Variants in SLC4A10 observed in about 807,000 individuals in gnomAD.
SLC4A10 encodes the protein solute carrier family 4 member 10.
SLC4A10 carries 42 observed loss-of-function variants against 137.7 expected under a neutral mutation model. That is an observed-to-expected ratio of 0.30 (90% CI 0.24 to 0.39). SLC4A10 has a LOEUF of 0.39. SLC4A10 is among the 10% of genes least tolerant of loss of function. SLC4A10 has a pLI of 1.00. For missense variants in SLC4A10, 925 were observed against 1,355.0 expected, an observed-to-expected ratio of 0.68 and a Z score of 4.98; for synonymous variants, 474 against 464.1, an observed-to-expected ratio of 1.02 and a Z score of -0.27.
At chr2:161,820,544 A>T (rs138419038) in intron 3 of SLC4A10, among the ~76,000 whole-genome samples, 287 of 152,274 alleles carry the variant, frequency 1.9e-3, no homozygotes, top group African/African-American at 6.5e-3. Context: ...AACGTTATAT[A>T]AATGAAATCA....
chr2:161,893,723 C>T (rs963215651), intron 10 of SLC4A10, among the ~76,000 whole-genome samples: 1 of 150,708 alleles, frequency 6.6e-6, no homozygotes, highest in Non-Finnish European at 1.5e-5. Context: ...CAAAAATATT[C>T]GAGGGGGGGA....
chr2:161,640,343 C>T (rs2035094538), intron 1 of SLC4A10, among the ~76,000 whole-genome samples: 1 of 152,022 alleles, frequency 6.6e-6, no homozygotes, highest in Non-Finnish European at 1.5e-5. Context: ...CTTGTATTTT[C>T]CCTGACTCCA....
intron 1 of SLC4A10, among the ~76,000 whole-genome samples, chr2:161,723,333 C>T (rs2045892979): frequency 1.3e-5 from 2 of 152,154 alleles, no homozygotes; most frequent in South Asian, 4.1e-4. Context: ...GGCTGTCACT[C>T]TACCCTGCTT....
Position 161,947,636 on chromosome 2 carries a change from T to C in SLC4A10, c.2174T>C (p.Val725Ala). 2 of 1,613,322 alleles carry C rather than the reference T, an allele frequency of 1.2e-6. No homozygotes were observed. The highest frequency in any genetic ancestry group is 1.7e-6 in the Non-Finnish European group (2 of 1,179,422). The part of the protein sequence containing the change: ...CGHDHPYVPD[V>A]LFWSVILFFS... The stretch of plus-strand genomic sequence containing the variant: ...CATGATCACCCATATGTTCCAGATG[T>C]TCTATTTTGGTCTGTGATCCTGTTC... The change falls in exon 17 of 27, where the codon GTT (valine) becomes GCT (alanine). Residue 725 changes from valine to alanine, a missense_variant. By Grantham distance (64) the Val-to-Ala change is moderately conservative. This residue lies in a region of SLC4A10 where 82 missense variants were observed against 151.4 expected (regional missense o/e 0.54). Transcript: ENST00000446997.
chr2:161,942,704 T>G, intron 15 of SLC4A10, 88 bp from the exon 16 acceptor site: 1 of 941,500 alleles, frequency 1.1e-6, no homozygotes, highest in South Asian at 1.4e-5. Flanking sequence ...ATGCTGTGAC[T>G]GGAGAAAATG....
At chr2:161,967,118 G>T (rs1455433327) in intron 23 of SLC4A10, among the ~76,000 whole-genome samples, 2 of 152,098 alleles carry the variant, frequency 1.3e-5, no homozygotes, top group Non-Finnish European at 2.9e-5. Flanking sequence ...CCCTGGCCAG[G>T]GCCACTGTCT....
intron 3 of SLC4A10, among the ~76,000 whole-genome samples, chr2:161,823,002 T>C (rs895594486): frequency 1.3e-5 from 2 of 151,640 alleles, no homozygotes; most frequent in Non-Finnish European, 2.9e-5. Flanking sequence ...TATATATACT[T>C]TTTTTTTAGA....
chr2:161,778,503 C>T (rs1314319434), intron 2 of SLC4A10, among the ~76,000 whole-genome samples: 1 of 151,876 alleles, frequency 6.6e-6, no homozygotes. Flanking sequence ...AAATGTGTTG[C>T]ATTGAGTGCC....
At chr2:161,813,970 T>A (rs765092032) in intron 3 of SLC4A10, among the ~76,000 whole-genome samples, 34 of 152,220 alleles carry the variant, frequency 2.2e-4, no homozygotes, top group Non-Finnish European at 4.4e-4. Flanking sequence ...TCTGTGGAGC[T>A]GTTGATAGCT....
intron 4 of SLC4A10, among the ~76,000 whole-genome samples, chr2:161,851,259 A>G (rs1187591898): frequency 6.6e-6 from 1 of 152,180 alleles, no homozygotes; most frequent in Non-Finnish European, 1.5e-5. Flanking sequence ...GGTCCCAAAT[A>G]TCTCTTGTTA....
chr2:161,696,813 A>G lies in SLC4A10; in HGVS notation c.48+72247A>G, dbSNP rs1313296969. On this transcript the variant is annotated intron_variant, in intron 1 of 26. Coordinates refer to ENST00000446997, the MANE Select transcript of SLC4A10 (RefSeq NM_001178015.2). ...CAGCATGATTTATAATCCTTTTGGT[A>G]TATACCCAGCAATCCCATTGCTGGA... is the stretch of plus-strand genomic sequence containing the variant. Among the ~76,000 whole-genome samples the G allele has an allele frequency of 4.6e-5, 7 of 152,226 alleles. No homozygotes were observed. In the South Asian group the frequency reaches 1.2e-3, roughly 27 times the overall value.
At chr2:161,673,389 C>T (rs1185181745) in intron 1 of SLC4A10, among the ~76,000 whole-genome samples, 1 of 151,850 alleles carries the variant, frequency 6.6e-6, no homozygotes, top group Non-Finnish European at 1.5e-5. Context: ...ATCATGGTTC[C>T]CAAATGTAGG....
rs529242181 is a variant in SLC4A10 at position 161,742,253 on chromosome 2, T to G, written c.49-28720T>G. 2.0e-5 allele frequency among the ~76,000 whole-genome samples: 3 copies of G among 152,250 alleles called. No individual in the cohort carries two copies. In the East Asian group the frequency reaches 5.8e-4, roughly 29 times the overall value. On this transcript the variant is annotated intron_variant, in intron 1 of 26. Transcript: ENST00000446997. ...GATGGACACAGGTTGATTTGAAATC[T>G]TGTTTTGTGACTAATGCTGGAATAA...
intron 15 of SLC4A10, among the ~76,000 whole-genome samples, chr2:161,917,724 G>A (rs184091373): frequency 2.0e-5 from 3 of 152,122 alleles, no homozygotes; most frequent in East Asian, 1.9e-4. Context: ...GGTGTGTAGC[G>A]GTATTTTTAT....
chr2:161,829,314 ATCCTACAGTTAATGAATT>A (rs1427884212), intron 3 of SLC4A10, among the ~76,000 whole-genome samples: 1 of 152,180 alleles, frequency 6.6e-6, no homozygotes, highest in African/African-American at 2.4e-5. Context: ...AATAGATACT[ATCCTACAGTTAATGAATT>A]GACCAAGCAA....
At chr2:161,914,431 A>G (rs1686609921) in intron 15 of SLC4A10, among the ~76,000 whole-genome samples, 1 of 152,192 alleles carries the variant, frequency 6.6e-6, no homozygotes, top group Admixed American at 6.5e-5. Flanking sequence ...CATGTTCTGT[A>G]AAGAAACACT....
chr2:161,903,896 T>C (rs1308887584), intron 12 of SLC4A10, 108 bp from the exon 13 acceptor site: 8 of 1,129,622 alleles, frequency 7.1e-6, no homozygotes, highest in Non-Finnish European at 9.9e-6. Flanking sequence ...GTCTCACCTC[T>C]GCTGATGGAA....
At chr2:161,790,764 T>G (rs910403566) in intron 2 of SLC4A10, among the ~76,000 whole-genome samples, 1 of 152,172 alleles carries the variant, frequency 6.6e-6, no homozygotes, top group African/African-American at 2.4e-5. Context: ...AAGAGACAAT[T>G]ATTTTAAAGT....
At chr2:161,737,305 T>G (rs2047443846) in intron 1 of SLC4A10, among the ~76,000 whole-genome samples, 1 of 152,178 alleles carries the variant, frequency 6.6e-6, no homozygotes, top group African/African-American at 2.4e-5. Context: ...ATTACTGAGT[T>G]CAGTTTGGAA....
Sources: allele counts gnomAD v4.1 joint callset (sites outside exome capture counted in the v4.1 genomes callset), GRCh38; gene constraint gnomAD v4.1.1; regional missense constraint gnomAD v4.1.1; transcripts MANE v1.5; gene names NCBI Gene and HGNC (gene_info 2026-07-23, HGNC 2026-07-21).